CDH23: variants seen among roughly 807,000 people sequenced by gnomAD.
CDH23 encodes the protein cadherin-23.
A neutral mutation model predicts 317.1 loss-of-function variants in CDH23; 189 were observed. That is an observed-to-expected ratio of 0.60 (90% CI 0.53 to 0.67). CDH23 has a LOEUF of 0.67. CDH23 is among the 30% of genes least tolerant of loss of function. The pLI is 0.00. For synonymous variants in CDH23, 1,839 were observed against 1,876.8 expected, an observed-to-expected ratio of 0.98 and a Z score of 0.52; for missense variants, 4,401 against 4,592.4, an observed-to-expected ratio of 0.96 and a Z score of 1.20.
chr10:71,734,739 TC>T, intron 34 of CDH23, 81 bp downstream of exon 34: 1 of 879,656 alleles, frequency 1.1e-6, no homozygotes, highest in Non-Finnish European at 1.7e-6. Context: ...CCCTGGACCT[TC>T]CCACCTCTCC....
At chr10:71,774,051 GCACACACACACACACA>G (rs57159718) in intron 38 of CDH23, among the ~76,000 whole-genome samples, 2 of 88,456 alleles carry the variant, frequency 2.3e-5, no homozygotes, top group Admixed American at 1.1e-4. Flanking sequence ...ATGCGCGCGC[GCACACACACACACACA>G]CACACACACA....
intron 1 of CDH23, among the ~76,000 whole-genome samples, chr10:71,436,340 C>T (rs976714572): frequency 6.6e-6 from 1 of 152,242 alleles, no homozygotes; most frequent in African/African-American, 2.4e-5. Flanking sequence ...CCTGAGCCTG[C>T]ACTGTGGAAA....
rs760058794 is a variant in CDH23 at position 71,462,001 on chromosome 10, C to T, written c.145+15606C>T. ...AGTCTGGGGTGAGTCCTCCATCACC[C>T]GCCTGGTCAGCTCCTGGCAGCGCCT... is the stretch of plus-strand genomic sequence containing the variant. On this transcript the variant is annotated intron_variant, in intron 3 of 69. Coordinates refer to ENST00000224721, the MANE Select transcript of CDH23 (RefSeq NM_022124.6). 2.7e-4 allele frequency among the ~76,000 whole-genome samples: 41 copies of T among 152,364 alleles called. 1 individual carries two copies. The highest frequency in any genetic ancestry group is 5.2e-4 in the Admixed American group (8 of 15,312).
At chr10:71,557,368 G>A (rs936930005) in intron 6 of CDH23, among the ~76,000 whole-genome samples, 1 of 152,168 alleles carries the variant, frequency 6.6e-6, no homozygotes, top group African/African-American at 2.4e-5. Context: ...TCTCCCTGGA[G>A]TGTCCACCCT....
intron 51 of CDH23, 58 bp downstream of exon 51, chr10:71,799,338 G>A: frequency 6.2e-7 from 1 of 1,611,528 alleles, no homozygotes; most frequent in Non-Finnish European, 8.5e-7. Context: ...TGGGGTCTTT[G>A]GGCATCTTCC....
At chr10:71,512,048 G>A (rs1164405096) in intron 6 of CDH23, 1 of 152,284 alleles carries the variant, frequency 6.6e-6, no homozygotes, top group African/African-American at 2.4e-5. Flanking sequence ...TGTCATTTGA[G>A]TTCTAACTCC....
At chr10:71,523,962 G>A (rs1311934287) in intron 6 of CDH23, among the ~76,000 whole-genome samples, 1 of 152,158 alleles carries the variant, frequency 6.6e-6, no homozygotes, top group Non-Finnish European at 1.5e-5. Context: ...CCTTTGCACG[G>A]CCTTTCTACT....
chr10:71,805,352 CATTGGATGGA>C (rs988924337), intron 55 of CDH23, among the ~76,000 whole-genome samples: 7 of 152,210 alleles, frequency 4.6e-5, no homozygotes, highest in Non-Finnish European at 1.0e-4. Flanking sequence ...TCAGGTACCC[CATTGGATGGA>C]TGGTGTTGTT....
chr10:71,518,242 C>T (rs1854454427), intron 6 of CDH23, among the ~76,000 whole-genome samples: 1 of 152,218 alleles, frequency 6.6e-6, no homozygotes, highest in African/African-American at 2.4e-5. Context: ...TCTCCAAGTT[C>T]CCCAGAGTCA....
intron 18 of CDH23, among the ~76,000 whole-genome samples, chr10:71,686,241 G>T (rs575143699): frequency 6.6e-6 from 1 of 151,962 alleles, no homozygotes; most frequent in Non-Finnish European, 1.5e-5. Flanking sequence ...TCTCCACACC[G>T]TTTCGTGCAG....
In CDH23 at chr10:71,730,509, T is replaced by C. The variant is rs1839336950; in HGVS notation, c.3620T>C (p.Val1207Ala). 2 of 1,613,930 alleles carry C rather than the reference T, an allele frequency of 1.2e-6. No individual in the cohort carries two copies. The highest frequency in any genetic ancestry group is 1.7e-6 in the Non-Finnish European group (2 of 1,179,882). The change falls in exon 31 of 70, where the codon GTG (valine) becomes GCG (alanine). Residue 1207 changes from valine (V) to alanine (A), a missense_variant. Physicochemically the swap from Val to Ala is moderately conservative, Grantham distance 64. Around this residue, in one of 3 missense-constraint regions of CDH23, gnomAD observed 3,068 missense variants for 3,203.3 expected, o/e 0.96. Transcript: ENST00000224721. ...YVEDINDEAPVFTQQQYSRLG... is the reference protein window; with the variant it reads ...YVEDINDEAPAFTQQQYSRLG... ...GAGGACATCAACGATGAGGCCCCCGTGTTCACACAGCAGCAGTACAGCCGT... is the reference window on the plus strand; with the variant it reads ...GAGGACATCAACGATGAGGCCCCCGCGTTCACACAGCAGCAGTACAGCCGT...
chr10:71,756,660 GT>G (rs1840157112), intron 38 of CDH23, among the ~76,000 whole-genome samples: 1 of 152,214 alleles, frequency 6.6e-6, no homozygotes, highest in African/African-American at 2.4e-5. Context: ...GACTGCAGGA[GT>G]TTAGCTGGGA....
At chr10:71,617,597 G>C in intron 11 of CDH23, 1 of 1,322,852 alleles carries the variant, frequency 7.6e-7, no homozygotes, top group African/African-American at 1.5e-5. Flanking sequence ...CAAAAAACAT[G>C]TAAGCACATG....
intron 28 of CDH23, chr10:71,715,224 G>A (rs954136684): frequency 6.6e-6 from 1 of 152,310 alleles, no homozygotes; most frequent in African/African-American, 2.4e-5. Context: ...CCTCTGAAGG[G>A]AGCCTCCTCG....
rs868862316 is a variant in CDH23, at chr10:71,585,248, G to A, written c.832+7256G>A. ...ACTAACGTCTGAGTCTAGGTTTCTC[G>A]GATCATGGTGGTGGCCTAGGCAGAA... On this transcript the variant is annotated intron_variant, in intron 9 of 69. Transcript: ENST00000224721. Among the ~76,000 whole-genome samples, 18 of 152,284 alleles carry A rather than the reference G, an allele frequency of 1.2e-4. No individual in the cohort carries two copies. In the South Asian group the frequency reaches 1.2e-3, roughly 11 times the overall value.
At position 71,812,506 on chromosome 10, in the gene CDH23, T is replaced by G. The variant is rs1244191357; in HGVS notation, c.9407T>G (p.Phe3136Cys). Residue 3136 changes from phenylalanine (F) to cysteine (C), a missense_variant, in exon 67 of 70, where the codon TTC becomes TGC. Phe to Cys is a radical substitution (Grantham distance 205). This residue lies in a region of CDH23 where 1,144 missense variants were observed against 1,138.2 expected (regional missense o/e 1.01). Coordinates refer to ENST00000224721, the MANE Select transcript of CDH23 (RefSeq NM_022124.6). ...DGANPVWLDP[F>C]CRNLELAAQA... The stretch of plus-strand genomic sequence containing the variant: ...GCCAACCCTGTGTGGCTGGATCCCT[T>G]CTGTCGGAACCTGGAGCTGGCCGCC... The G allele has an allele frequency of 6.6e-7, 1 of 1,525,080 alleles. No homozygotes were observed. The highest frequency in any genetic ancestry group is 2.6e-5 in the East Asian group (1 of 38,418). 94.5% of individuals were successfully genotyped at this position (1,525,080 alleles called of 1,614,324 possible). A position where few individuals can be genotyped will look rare whatever the true frequency, so the allele number is the denominator to read the frequency against.
In CDH23 at chr10:71,702,228, C is replaced by T. The variant is rs1159964172; in HGVS notation, c.2587+17C>T. On this transcript the variant is annotated intron_variant, in intron 23 of 69. Coordinates refer to ENST00000224721, the MANE Select transcript of CDH23 (RefSeq NM_022124.6). ...TTACTGACTGTATGGACCCCTCTCG[C>T]CCCTCACGGCCCCCACACCTTAGGC... 6.2e-7 allele frequency: 1 copy of T among 1,608,558 alleles called. No homozygotes were observed. The highest frequency in any genetic ancestry group is 1.1e-5 in the South Asian group (1 of 90,736).
intron 1 of CDH23, among the ~76,000 whole-genome samples, chr10:71,403,079 G>A (rs908402041): frequency 1.3e-5 from 2 of 151,986 alleles, no homozygotes; most frequent in Admixed American, 6.5e-5. Flanking sequence ...CCGAGATCGC[G>A]CCACTGCACT....
intron 6 of CDH23, among the ~76,000 whole-genome samples, chr10:71,545,848 G>GGGA (rs1856247364): frequency 6.6e-6 from 1 of 152,166 alleles, no homozygotes; most frequent in Non-Finnish European, 1.5e-5. Context: ...ATTATCTTAG[G>GGGA]GGAGGTGACT....
Sources: gnomAD v4.1 joint callset for allele counts (sites outside exome capture counted in the v4.1 genomes callset) on GRCh38, gnomAD v4.1.1 for gene constraint, gnomAD v4.1.1 regional missense constraint, MANE v1.5 for transcripts, NCBI Gene and HGNC (gene_info 2026-07-23, HGNC 2026-07-21) for gene names.